The following TXNDC12 variants were observed in gnomAD, a reference collection of about 807,000 sequenced individuals.
TXNDC12 encodes the protein thioredoxin domain containing 12, also known as thioredoxin domain-containing protein 12.
Under a neutral mutation model 24.2 loss-of-function variants are expected in TXNDC12, and 22 were observed. The observed-to-expected ratio is 0.91, with a 90% CI of 0.65 to 1.30. The LOEUF is 1.30. Ranked by LOEUF, TXNDC12 falls within the 50% of genes most tolerant of loss-of-function variation. TXNDC12 has a pLI of 0.00. For synonymous variants in TXNDC12, 58 were observed against 73.4 expected (o/e 0.79, Z 1.07); for missense variants, 184 against 205.8 (o/e 0.89, Z 0.65).
At chr1:52,024,388 G>T in intron 5 of TXNDC12, 122 bp downstream of exon 5, 1 of 764,274 alleles carries the variant, frequency 1.3e-6, no homozygotes. Flanking sequence ...ACTCTCTCTT[G>T]AAACTGGTTT....
chr1:52,043,698 C>T (rs914168227), intron 1 of TXNDC12, among the ~76,000 whole-genome samples: 2 of 152,166 alleles, frequency 1.3e-5, no homozygotes, highest in African/African-American at 2.4e-5. Context: ...TTATTCTATA[C>T]GATTGAGACT....
intron 2 of TXNDC12, among the ~76,000 whole-genome samples, chr1:52,028,989 G>T (rs567695812): frequency 6.6e-6 from 1 of 152,034 alleles, no homozygotes; most frequent in Non-Finnish European, 1.5e-5. Flanking sequence ...TTAGCTGGGC[G>T]TGGTGGCACG....
rs1329822806 is a variant in TXNDC12 at position 52,020,783 on chromosome 1, A to G, written c.*150T>C. The G allele has an allele frequency of 6.6e-6, 4 of 602,432 alleles. No individual in the cohort carries two copies. Among genetic ancestry groups the G allele is most frequent in the Non-Finnish European group, 8.7e-6 (3 of 346,394 alleles). The allele number at this position is 602,432 out of a possible 1,614,324, so 37.3% of individuals were successfully genotyped here. On this transcript the variant is annotated 3_prime_UTR_variant, in exon 7 of 7. Coordinates refer to ENST00000371626, the MANE Select transcript of TXNDC12 (RefSeq NM_015913.4). ...ATGCAGACCAGCTTCTGTTAGCAGA[A>G]CTCTTCCACAGTGAGAGCGCTCCTT...
At chr1:52,054,738 T>C (rs1686294846) in intron 1 of TXNDC12, among the ~76,000 whole-genome samples, 1 of 152,200 alleles carries the variant, frequency 6.6e-6, no homozygotes, top group South Asian at 2.1e-4. Context: ...GCTCTTAACA[T>C]GCTTTCCTTA....
At chr1:52,040,546 AATG>A (rs1292665261) in intron 2 of TXNDC12, among the ~76,000 whole-genome samples, 2 of 152,334 alleles carry the variant, frequency 1.3e-5, no homozygotes, top group South Asian at 2.1e-4. Context: ...TATGGTAGTA[AATG>A]ATAATATAGA....
intron 1 of TXNDC12, among the ~76,000 whole-genome samples, chr1:52,042,691 C>T (rs1019547202): frequency 7.3e-5 from 11 of 151,634 alleles, no homozygotes; most frequent in African/African-American, 1.5e-4. Flanking sequence ...GGCATGATCT[C>T]GGCTCACCGC....
At chr1:52,043,593 C>G (rs767051546) in intron 1 of TXNDC12, among the ~76,000 whole-genome samples, 1 of 152,068 alleles carries the variant, frequency 6.6e-6, no homozygotes. Context: ...ATAATTATAT[C>G]TCATAAGGTT....
chr1:52,033,494 C>T (rs1320447993), intron 2 of TXNDC12: 3 of 1,613,752 alleles, frequency 1.9e-6, no homozygotes, highest in Non-Finnish European at 2.5e-6. Flanking sequence ...CAGTAGAGCT[C>T]GTAACGGAAA....
At chr1:52,021,253 GGA>G (rs1391267981) in intron 6 of TXNDC12, among the ~76,000 whole-genome samples, 4 of 152,092 alleles carry the variant, frequency 2.6e-5, no homozygotes, top group Admixed American at 2.0e-4. Flanking sequence ...ATGGGAGAAT[GGA>G]TAATAAAAGT....
intron 2 of TXNDC12, among the ~76,000 whole-genome samples, chr1:52,041,198 T>TG (rs1685981919): frequency 6.6e-6 from 1 of 152,076 alleles, no homozygotes; most frequent in African/African-American, 2.4e-5. Context: ...CCAGGCGTGG[T>TG]GGCGGGTGCC....
intron 4 of TXNDC12, 36 bp downstream of exon 4, chr1:52,027,239 A>T: frequency 2.6e-5 from 40 of 1,510,002 alleles, no homozygotes; most frequent in Non-Finnish European, 3.7e-5. Context: ...AAAGTCTTAA[A>T]ATCATAGCAG....
chr1:52,044,816 T>C (rs1041289022), intron 1 of TXNDC12, among the ~76,000 whole-genome samples: 46 of 151,782 alleles, frequency 3.0e-4, no homozygotes, highest in African/African-American at 1.1e-3. Context: ...TCTACTACAA[T>C]ACAAAAAAGT....
In TXNDC12 at chr1:52,042,850, G is replaced by A. The variant is rs372073124; in HGVS notation, c.98-1253C>T. On this transcript the variant is annotated intron_variant, in intron 1 of 6. Coordinates refer to ENST00000371626, the MANE Select transcript of TXNDC12 (RefSeq NM_015913.4). ...TTGGTCAGGCTGGTCTTGAACTCCC[G>A]ACCTCAGGTGATCTGCCCGCCTCAG... Among the ~76,000 whole-genome samples, 149 of 152,268 alleles carry A rather than the reference G, an allele frequency of 9.8e-4. 2 individuals are homozygous for A. In the South Asian group the frequency reaches 0.029, roughly 30 times the overall value.
At chr1:52,028,452 A>T in intron 3 of TXNDC12, 126 bp downstream of exon 3, 1 of 713,610 alleles carries the variant, frequency 1.4e-6, no homozygotes, top group Non-Finnish European at 2.3e-6. Context: ...AATCTATGTC[A>T]TATGTTTCTT....
rs1571998676 is a variant in TXNDC12, at chr1:52,027,272, T to A, written c.285+3A>T. The A allele has an allele frequency of 6.2e-7, 1 of 1,605,340 alleles. No individual in the cohort carries two copies. The highest frequency in any genetic ancestry group is 1.3e-5 in the African/African-American group (1 of 74,810). On this transcript the variant is annotated splice_donor_region_variant and intron_variant, in intron 4 of 6. Transcript: ENST00000371626. Reference sequence around the variant, plus strand: ...CAGAAAGGAGAAACTCTCAAAGTCTTACCTCAAGATTTACCATAACAAAAT... The same window carrying A: ...CAGAAAGGAGAAACTCTCAAAGTCTAACCTCAAGATTTACCATAACAAAAT...
intron 1 of TXNDC12, chr1:52,052,329 A>C (rs1271344407): frequency 1.2e-5 from 2 of 165,104 alleles, no homozygotes; most frequent in Non-Finnish European, 2.9e-5. Flanking sequence ...CCTTCTTACA[A>C]TGTGACCTCA....
chr1:52,034,165 A>T lies in TXNDC12; in HGVS notation c.159-5535T>A, dbSNP rs576403391. The T allele has an allele frequency of 1.9e-5, 15 of 779,300 alleles. No individual in the cohort carries two copies. The African/African-American group carries it at 2.7e-4, about 14-fold the overall frequency. 48.3% of individuals were successfully genotyped at this position (779,300 alleles called of 1,614,324 possible). A position where few individuals can be genotyped will look rare whatever the true frequency, so the allele number is the denominator to read the frequency against. ...TCTTAAACCTACTGGCTCTCAGTAA[A>T]TGTTTATTCAATTACCATTTCAATC... On this transcript the variant is annotated intron_variant, in intron 2 of 6. Transcript: ENST00000371626.
At chr1:52,027,715 CATAT>C (rs1685690729) in intron 3 of TXNDC12, among the ~76,000 whole-genome samples, 2 of 150,282 alleles carry the variant, frequency 1.3e-5, no homozygotes, top group African/African-American at 4.9e-5. Flanking sequence ...TGTGTGTATA[CATAT>C]ATGTATGTGT....
chr1:52,024,137 G>GGTGC (rs1685640299), intron 5 of TXNDC12, among the ~76,000 whole-genome samples: 1 of 151,968 alleles, frequency 6.6e-6, no homozygotes, highest in Non-Finnish European at 1.5e-5. Context: ...TGAGACTACA[G>GGTGC]GTGCGTGCCA....
Sources: allele counts gnomAD v4.1 joint callset (sites outside exome capture counted in the v4.1 genomes callset), GRCh38; gene constraint gnomAD v4.1.1; transcripts MANE v1.5; gene names NCBI Gene and HGNC (gene_info 2026-07-23, HGNC 2026-07-21).